The following ROPN1 variants were observed in gnomAD, a reference collection of about 807,000 sequenced individuals.
ROPN1 encodes ropporin-1A.
ROPN1 carries 14 observed loss-of-function variants against 20.5 expected under a neutral mutation model. The ratio of observed to expected loss-of-function variants is 0.68; its 90% CI spans 0.45 to 1.07. The LOEUF (loss-of-function observed/expected upper bound fraction) is 1.07, where lower values mean the gene tolerates loss of function less well. Among genes scored for constraint, ROPN1 ranks in the 50% least tolerant of loss-of-function variants. The pLI is 0.00. For synonymous variants in ROPN1, 76 were observed against 95.7 expected, an observed-to-expected ratio of 0.79 and a Z score of 1.20; for missense variants, 169 against 242.8, an observed-to-expected ratio of 0.70 and a Z score of 2.02.
intron 1 of ROPN1, among the ~76,000 whole-genome samples, chr3:123,987,674 C>A (rs935226212): frequency 3.3e-5 from 5 of 152,340 alleles, no homozygotes; most frequent in African/African-American, 1.2e-4. Context: ...TATCCTGAGA[C>A]AAACCCATGG....
chr3:123,990,777 C>A (rs1251295484), intron 1 of ROPN1, among the ~76,000 whole-genome samples: 1 of 152,194 alleles, frequency 6.6e-6, no homozygotes, highest in Non-Finnish European at 1.5e-5. Context: ...AACCTACATG[C>A]CTCTCAATGT....
chr3:123,986,847 C>T (rs1456021783), intron 1 of ROPN1, among the ~76,000 whole-genome samples: 1 of 152,248 alleles, frequency 6.6e-6, no homozygotes, highest in African/African-American at 2.4e-5. Flanking sequence ...ACTGATCAGG[C>T]ATGGTCCACC....
Position 123,976,893 on chromosome 3 carries a change from G to T in ROPN1, c.205C>A (p.Pro69Thr). Residue 69 changes from proline to threonine, a missense_variant, in exon 3 of 6, where the codon CCT (proline) becomes ACT (threonine). Coordinates refer to ENST00000405845, the MANE Select transcript of ROPN1 (RefSeq NM_001317774.2). ...VALCNRAELT[P>T]ELLKILHSQV... ...GAATGCAGGATCTTTAACAGCTCAG[G>T]TGTTAGCTCTGCCCGGTTACACAAA... 6.2e-7 allele frequency: 1 copy of T among 1,612,908 alleles called. No homozygotes were observed. The highest frequency in any genetic ancestry group is 8.5e-7 in the Non-Finnish European group (1 of 1,179,438).
intron 2 of ROPN1, among the ~76,000 whole-genome samples, chr3:123,977,312 C>A (rs372477479): frequency 2.0e-5 from 3 of 152,052 alleles, no homozygotes; most frequent in African/African-American, 7.3e-5. Flanking sequence ...GTTTTATACA[C>A]GCAGATGTAT....
intron 1 of ROPN1, among the ~76,000 whole-genome samples, chr3:123,985,727 T>A (rs1577374818): frequency 6.6e-6 from 1 of 152,162 alleles, no homozygotes; most frequent in African/African-American, 2.4e-5. Context: ...TATAAAAATA[T>A]TTTTTGGCTG....
intron 5 of ROPN1, 55 bp downstream of exon 5, chr3:123,969,987 G>A (rs112305399): frequency 1.3e-6 from 2 of 1,563,756 alleles, no homozygotes; most frequent in Non-Finnish European, 1.8e-6. Context: ...ATCTTGGCCA[G>A]CTAGATTTCT....
intron 1 of ROPN1, among the ~76,000 whole-genome samples, chr3:123,985,196 C>T (rs2038226091): frequency 6.6e-6 from 1 of 152,180 alleles, no homozygotes; most frequent in Non-Finnish European, 1.5e-5. Flanking sequence ...ATTTCATTAC[C>T]TATTGTTTCT....
At chr3:123,977,972 T>TTGAC (rs1366800042) in intron 2 of ROPN1, among the ~76,000 whole-genome samples, 4 of 152,356 alleles carry the variant, frequency 2.6e-5, no homozygotes, top group African/African-American at 9.6e-5. Flanking sequence ...AGCCTGGTTA[T>TTGAC]TGACGATCCA....
intron 2 of ROPN1, 36 bp downstream of exon 2, chr3:123,980,330 T>C: frequency 1.2e-6 from 2 of 1,607,582 alleles, no homozygotes; most frequent in South Asian, 2.2e-5. Flanking sequence ...TCTCCGGCCG[T>C]CCTCCAAGGG....
Position 123,980,403 on chromosome 3 carries a change from TAA to T in ROPN1, c.77_78del (p.Ile26LysfsTer16). 1 of 1,614,194 alleles carries T rather than the reference TAA, an allele frequency of 6.2e-7. No homozygotes were observed. The highest frequency in any genetic ancestry group is 8.5e-7 in the Non-Finnish European group (1 of 1,180,014). ...KMLKEFAKAA[I>X]RVQPQDLIQW... ...TGGATGAGGTCCTGCGGCTGCACCCTAATGGCGGCTTTGGCAAACTCCTTCAG... is the reference window on the plus strand; with the variant it reads ...TGGATGAGGTCCTGCGGCTGCACCCTTGGCGGCTTTGGCAAACTCCTTCAG... On this transcript the variant is annotated frameshift_variant, in exon 2 of 6. Coordinates refer to ENST00000405845, the MANE Select transcript of ROPN1 (RefSeq NM_001317774.2). LOFTEE classifies it high-confidence loss of function.
chr3:123,987,247 C>T (rs549890663), intron 1 of ROPN1, among the ~76,000 whole-genome samples: 23 of 152,350 alleles, frequency 1.5e-4, no homozygotes, highest in Admixed American at 1.2e-3. Flanking sequence ...GAGCAGGTTG[C>T]TCCTTGCTAG....
intron 1 of ROPN1, chr3:123,991,398 A>G (rs2038407014): frequency 1.4e-5 from 1 of 71,604 alleles, no homozygotes; most frequent in Non-Finnish European, 2.8e-5. Flanking sequence ...TGCTAGGTAT[A>G]AAATAATGCG....
At chr3:123,979,350 C>A (rs2038087613) in intron 2 of ROPN1, 1 of 350,818 alleles carries the variant, frequency 2.9e-6, no homozygotes, top group East Asian at 7.6e-5. Flanking sequence ...GACATCTTCC[C>A]TTCCCCAACT....
intron 5 of ROPN1, 127 bp downstream of exon 5, chr3:123,969,915 A>ATT: frequency 1.1e-6 from 1 of 892,286 alleles, no homozygotes; most frequent in Non-Finnish European, 1.7e-6. Flanking sequence ...CAGATCATCC[A>ATT]TATTTCATGT....
At chr3:123,971,978 G>A (rs73184294) in intron 4 of ROPN1, among the ~76,000 whole-genome samples, 62 of 152,292 alleles carry the variant, frequency 4.1e-4, no homozygotes, top group South Asian at 8.3e-4. Flanking sequence ...TAAAGAGAGA[G>A]CCACCAGACA....
chr3:123,979,591 A>C lies in ROPN1; in HGVS notation c.116+775T>G, dbSNP rs539417038. 5.1e-4 allele frequency: 187 copies of C among 365,848 alleles called. 2 individuals carry two copies. Among genetic ancestry groups the C allele is most frequent in the South Asian group, 3.7e-3 (182 of 48,692 alleles). 22.7% of individuals were successfully genotyped at this position (365,848 alleles called of 1,614,324 possible). A position where few individuals can be genotyped will look rare whatever the true frequency, so the allele number is the denominator to read the frequency against. ...CAAAGCTACTTCAATCCAGGCCCGCAGCGATTGTTGTGTAAGCTCCATCTA... is the reference window on the plus strand; with the variant it reads ...CAAAGCTACTTCAATCCAGGCCCGCCGCGATTGTTGTGTAAGCTCCATCTA... On this transcript the variant is annotated intron_variant, in intron 2 of 5. Coordinates refer to ENST00000405845, the MANE Select transcript of ROPN1 (RefSeq NM_001317774.2).
chr3:123,979,649 A>C, intron 2 of ROPN1: 1 of 371,522 alleles, frequency 2.7e-6, no homozygotes, highest in South Asian at 2.1e-5. Context: ...TCCTGAAAGA[A>C]GGCACCCGTG....
At chr3:123,990,907 G>A (rs980275174) in intron 1 of ROPN1, among the ~76,000 whole-genome samples, 10 of 152,124 alleles carry the variant, frequency 6.6e-5, no homozygotes, top group Admixed American at 3.3e-4. Context: ...CAGGGCTTCC[G>A]TTTCATAAAT....
intron 2 of ROPN1, among the ~76,000 whole-genome samples, chr3:123,977,407 G>C (rs1286146988): frequency 2.6e-5 from 4 of 152,226 alleles, no homozygotes; most frequent in African/African-American, 9.6e-5. Context: ...AGGCAGCACA[G>C]GAATGGTGGC....
Sources: gnomAD v4.1 joint callset for allele counts (sites outside exome capture counted in the v4.1 genomes callset) on GRCh38, gnomAD v4.1.1 for gene constraint, MANE v1.5 for transcripts, NCBI Gene and HGNC (gene_info 2026-07-23, HGNC 2026-07-21) for gene names.